The following ACCSL variants were observed in gnomAD, a reference collection of about 807,000 sequenced individuals.
ACCSL encodes the protein 1-aminocyclopropane-1-carboxylate synthase homolog (inactive) like, also known as probable inactive 1-aminocyclopropane-1-carboxylate synthase-like protein 2.
Under a neutral mutation model 61.7 loss-of-function variants are expected in ACCSL, and 55 were observed. The observed-to-expected ratio is 0.89, with a 90% CI of 0.72 to 1.12. ACCSL has a LOEUF of 1.12. ACCSL is among the 50% of genes most tolerant of loss of function. The pLI is 0.00. For synonymous variants in ACCSL, 258 were observed against 264.3 expected (o/e 0.98, Z 0.23); for missense variants, 632 against 698.0 (o/e 0.91, Z 1.07).
chr11:44,039,195 G>A, the ACCSL span, among the ~76,000 whole-genome samples: 1 of 152,114 alleles, frequency 6.6e-6, no homozygotes, highest in Non-Finnish European at 1.5e-5. Context: ...TGCCCTCTGG[G>A]GTAAGGTGCC....
the ACCSL span, among the ~76,000 whole-genome samples, chr11:44,016,417 G>A: frequency 1.4e-3 from 219 of 152,222 alleles, 1 homozygote; most frequent in Non-Finnish European, 2.5e-3. Context: ...GGGAATGGGC[G>A]AGCAGATATT....
chr11:43,933,237 C>G, the ACCSL span: 8 of 453,608 alleles, frequency 1.8e-5, no homozygotes, highest in South Asian at 9.3e-5. Flanking sequence ...AGGCTACAAG[C>G]CCAGTCTCTA....
chr11:44,018,963 C>G, the ACCSL span, among the ~76,000 whole-genome samples: 1 of 152,234 alleles, frequency 6.6e-6, no homozygotes, highest in East Asian at 1.9e-4. Flanking sequence ...CCATTCCCCT[C>G]TCTGTTTCCA....
At chr11:44,052,910 A>G in intron 6 of ACCSL, 81 bp from the exon 7 acceptor site, 2 of 1,510,188 alleles carry the variant, frequency 1.3e-6, no homozygotes, top group Non-Finnish European at 1.8e-6. Flanking sequence ...GTATGAAGGC[A>G]AAGGATTGCG....
rs1352787222 is a variant in ACCSL, at chr11:44,051,705, T to C, written c.758T>C (p.Leu253Pro). ...GTCTTCTGTGCCCTGGCCATGGTTC[T>C]GTGTGATCCAGGCGGTAAGTCAGTG... ...CSVFCALAMVLCDPGEAFLVP... is the reference protein window; with the variant it reads ...CSVFCALAMVPCDPGEAFLVP... The change falls in exon 5 of 14, where the codon CTG (leucine) becomes CCG (proline). Residue 253 changes from leucine (L) to proline (P), a missense_variant. Leu to Pro is a moderately conservative substitution (Grantham distance 98). Transcript: ENST00000378832. 3.7e-6 allele frequency: 6 copies of C among 1,614,190 alleles called. No individual in the cohort carries two copies. The highest frequency in any genetic ancestry group is 5.1e-6 in the Non-Finnish European group (6 of 1,180,044).
chr11:43,974,589 C>G, the ACCSL span, among the ~76,000 whole-genome samples: 3 of 152,180 alleles, frequency 2.0e-5, no homozygotes, highest in East Asian at 5.8e-4. Context: ...CATTCAATCC[C>G]CAACACCAGC....
chr11:43,963,209 G>A, the ACCSL span, among the ~76,000 whole-genome samples: 3 of 152,336 alleles, frequency 2.0e-5, no homozygotes, highest in East Asian at 5.8e-4. Context: ...AGTGAAATAA[G>A]CACGCCTAGC....
chr11:43,982,226 C>CTTTTTTTTTTTTTTTTTTTTTTTTTT, the ACCSL span, among the ~76,000 whole-genome samples: 1 of 86,324 alleles, frequency 1.2e-5, no homozygotes, highest in Non-Finnish European at 2.2e-5. Flanking sequence ...CCAAGGCCCT[C>CTTTTTTTTTTTTTTTTTTTTTTTTTT]TTTTTTTTTT....
At chr11:43,959,866 T>C in the ACCSL span, among the ~76,000 whole-genome samples, 1 of 151,648 alleles carries the variant, frequency 6.6e-6, no homozygotes, top group East Asian at 1.9e-4. Context: ...TTGGGGAGAG[T>C]CCCAGAAGCT....
chr11:44,034,761 A>G, the ACCSL span, among the ~76,000 whole-genome samples: 1 of 152,190 alleles, frequency 6.6e-6, no homozygotes, highest in Non-Finnish European at 1.5e-5. Context: ...GACATACCCA[A>G]ACCATATCAG....
the ACCSL span, among the ~76,000 whole-genome samples, chr11:44,032,965 G>A: frequency 9.6e-4 from 146 of 152,306 alleles, no homozygotes; most frequent in Middle Eastern, 0.02. Flanking sequence ...TGGCGACAGT[G>A]GGAGGAGTCG....
At chr11:44,047,198 G>C (rs1952604357), upstream of ACCSL, among the ~76,000 whole-genome samples, 2 of 152,148 alleles carry the variant, frequency 1.3e-5, no homozygotes, top group African/African-American at 4.8e-5. Flanking sequence ...AAGTTTGAGA[G>C]CCATGTACCT....
chr11:43,950,415 G>A, the ACCSL span, among the ~76,000 whole-genome samples: 2 of 152,208 alleles, frequency 1.3e-5, no homozygotes, highest in Non-Finnish European at 2.9e-5. Flanking sequence ...CTCCCACATA[G>A]ACTCTCATCC....
the ACCSL span, chr11:43,933,321 C>G: frequency 2.7e-6 from 1 of 366,502 alleles, no homozygotes; most frequent in African/African-American, 2.1e-5. Flanking sequence ...TCAGATGGAC[C>G]TAGTCCAGAG....
chr11:44,003,258 G>A, the ACCSL span, among the ~76,000 whole-genome samples: 1 of 152,194 alleles, frequency 6.6e-6, no homozygotes, highest in Non-Finnish European at 1.5e-5. Flanking sequence ...TGCAGCCACT[G>A]CCAGATTCTT....
chr11:44,030,652 T>TA, the ACCSL span, among the ~76,000 whole-genome samples: 1 of 152,132 alleles, frequency 6.6e-6, no homozygotes, highest in Non-Finnish European at 1.5e-5. Context: ...ATTGTTTTTT[T>TA]TATAGAAACG....
the ACCSL span, among the ~76,000 whole-genome samples, chr11:44,020,826 T>C: frequency 2.0e-5 from 3 of 152,116 alleles, no homozygotes; most frequent in African/African-American, 7.2e-5. Flanking sequence ...ATCATTCTTA[T>C]GCCTTCATGT....
chr11:44,027,434 T>C, the ACCSL span, among the ~76,000 whole-genome samples: 1 of 152,254 alleles, frequency 6.6e-6, no homozygotes, highest in African/African-American at 2.4e-5. Flanking sequence ...AGCTTTCTTA[T>C]ATGTAAAGTA....
chr11:43,956,091 G>GA, the ACCSL span, among the ~76,000 whole-genome samples: 561 of 111,888 alleles, frequency 5.0e-3, no homozygotes, highest in South Asian at 0.022. Flanking sequence ...AAGATTTATA[G>GA]AAAAAAAAAA....
Sources: gnomAD v4.1 joint callset for allele counts (sites outside exome capture counted in the v4.1 genomes callset) on GRCh38, gnomAD v4.1.1 for gene constraint, MANE v1.5 for transcripts, NCBI Gene and HGNC (gene_info 2026-07-23, HGNC 2026-07-21) for gene names.